Variants in ZNF385B observed in about 807,000 individuals in gnomAD.
ZNF385B encodes zinc finger protein 533.
Under a neutral mutation model 39.2 loss-of-function variants are expected in ZNF385B, and 23 were observed. The observed-to-expected ratio is 0.59, with a 90% CI of 0.42 to 0.83. The LOEUF is 0.83. ZNF385B is among the 40% of genes least tolerant of loss of function. The probability of loss-of-function intolerance (pLI) is 0.00; values close to 1 mark genes in which losing one functional copy is unlikely to be tolerated. For missense variants in ZNF385B, 552 were observed against 598.9 expected, an observed-to-expected ratio of 0.92 and a Z score of 0.82; for synonymous variants, 205 against 222.6, an observed-to-expected ratio of 0.92 and a Z score of 0.70.
chr2:179,668,610 G>A (rs1237113259), intron 3 of ZNF385B, among the ~76,000 whole-genome samples: 1 of 134,046 alleles, frequency 7.5e-6, no homozygotes, highest in Non-Finnish European at 1.6e-5. Context: ...AGTTCCTGGA[G>A]CCAACACCTT....
intron 4 of ZNF385B, among the ~76,000 whole-genome samples, chr2:179,537,602 G>A (rs566947473): frequency 6.6e-6 from 1 of 152,064 alleles, no homozygotes; most frequent in East Asian, 1.9e-4. Flanking sequence ...TTAGCCAGGT[G>A]TGGTGGCGTG....
intron 5 of ZNF385B, among the ~76,000 whole-genome samples, chr2:179,498,298 C>CA (rs35151841): frequency 0.15 from 22,275 of 150,592 alleles, 2,238 homozygotes; most frequent in Non-Finnish European, 0.22. Flanking sequence ...GAACAGACCA[C>CA]AAAAAAACTA....
At chr2:179,751,384 C>T (rs1702665796) in intron 3 of ZNF385B, among the ~76,000 whole-genome samples, 1 of 152,048 alleles carries the variant, frequency 6.6e-6, no homozygotes, top group Non-Finnish European at 1.5e-5. Flanking sequence ...CTCATGGCAC[C>T]ATCTTGTGGT....
intron 1 of ZNF385B, among the ~76,000 whole-genome samples, chr2:179,797,845 T>C (rs892116559): frequency 1.3e-5 from 2 of 152,166 alleles, no homozygotes; most frequent in Admixed American, 1.3e-4. Context: ...GACCAGCTGC[T>C]TAGTGGTCAT....
chr2:179,593,699 A>C (rs1029839533), intron 3 of ZNF385B, among the ~76,000 whole-genome samples: 3 of 152,172 alleles, frequency 2.0e-5, no homozygotes, highest in African/African-American at 7.2e-5. Context: ...TACTGTCAAC[A>C]TTTTTAGAGA....
chr2:179,590,203 G>A (rs1038069562), intron 3 of ZNF385B, among the ~76,000 whole-genome samples: 89 of 152,274 alleles, frequency 5.8e-4, no homozygotes, highest in African/African-American at 2.0e-3. Context: ...ACATACCCTG[G>A]AGTCAGACCA....
chr2:179,776,070 A>C (rs1041900828), intron 1 of ZNF385B, among the ~76,000 whole-genome samples: 1 of 152,230 alleles, frequency 6.6e-6, no homozygotes, highest in Non-Finnish European at 1.5e-5. Context: ...GTTGAAGCTC[A>C]AACTGGACTA....
At chr2:179,466,915 C>CAAAAAAAAAAAAAA (rs777679885) in intron 6 of ZNF385B, among the ~76,000 whole-genome samples, 1 of 26,932 alleles carries the variant, frequency 3.7e-5, no homozygotes, top group Non-Finnish European at 6.2e-5. Flanking sequence ...GCAAGACTGT[C>CAAAAAAAAAAAAAA]AAAAAAAAAA....
At chr2:179,578,529 A>ATTTTG (rs1368210836) in intron 3 of ZNF385B, among the ~76,000 whole-genome samples, 2 of 152,062 alleles carry the variant, frequency 1.3e-5, no homozygotes, top group Admixed American at 1.3e-4. Context: ...AATGAAAATA[A>ATTTTG]TTTTGTTATA....
At chr2:179,515,670 T>A (rs1207487531) in intron 5 of ZNF385B, among the ~76,000 whole-genome samples, 3 of 152,200 alleles carry the variant, frequency 2.0e-5, no homozygotes, top group African/African-American at 4.8e-5. Context: ...AGTAAAATTG[T>A]AGTTTAATAT....
chr2:179,607,838 T>C (rs1041449262), intron 3 of ZNF385B, among the ~76,000 whole-genome samples: 1 of 151,764 alleles, frequency 6.6e-6, no homozygotes, highest in African/African-American at 2.4e-5. Flanking sequence ...GATTTACTTA[T>C]ACAAACTTAT....
intron 3 of ZNF385B, among the ~76,000 whole-genome samples, chr2:179,704,589 A>C (rs990208126): frequency 6.6e-6 from 1 of 152,218 alleles, no homozygotes; most frequent in South Asian, 2.1e-4. Flanking sequence ...TGAAATATAA[A>C]GAAATGAAGA....
intron 3 of ZNF385B, among the ~76,000 whole-genome samples, chr2:179,667,733 A>G (rs554893876): frequency 6.6e-6 from 1 of 150,804 alleles, no homozygotes; most frequent in South Asian, 2.1e-4. Context: ...GGAAGAAGGA[A>G]AGGTCCCTAG....
At chr2:179,553,131 AT>A (rs1403942974) in intron 3 of ZNF385B, among the ~76,000 whole-genome samples, 3 of 149,114 alleles carry the variant, frequency 2.0e-5, no homozygotes, top group African/African-American at 7.6e-5. Context: ...ATATAGATAC[AT>A]TCTCCAGCTG....
At chr2:179,857,416 T>C (rs1375435210) in intron 1 of ZNF385B, among the ~76,000 whole-genome samples, 1 of 152,220 alleles carries the variant, frequency 6.6e-6, no homozygotes, top group Non-Finnish European at 1.5e-5. Context: ...TAACAGAGTT[T>C]GCTGGAGCAA....
chr2:179,666,342 C>T (rs1478832034), intron 3 of ZNF385B, among the ~76,000 whole-genome samples: 1 of 152,118 alleles, frequency 6.6e-6, no homozygotes, highest in African/African-American at 2.4e-5. Context: ...AGCTTCCCCT[C>T]CTGTGATTTA....
At position 179,769,547 on chromosome 2, in the gene ZNF385B, G is replaced by A. The variant is rs777541596; in HGVS notation, c.254C>T (p.Pro85Leu). The change falls in exon 3 of 10, where the codon CCC becomes CTC. Residue 85 changes from proline to leucine, a missense_variant. Transcript: ENST00000410066. ...KRVKQLSDGQ[P>L]PPPAQASPSS... is the part of the protein sequence containing the mutation. ...GGGGCTGGCCTGGGCGGGTGGTGGG[G>A]GCTGCCCATCACTCAGCTGCTTCAC... is the stretch of plus-strand genomic sequence containing the variant. 2.0e-5 allele frequency: 32 copies of A among 1,614,054 alleles called. No individual in the cohort carries two copies. Among genetic ancestry groups the A allele is most frequent in the Non-Finnish European group, 2.5e-5 (29 of 1,180,004 alleles).
intron 3 of ZNF385B, among the ~76,000 whole-genome samples, chr2:179,665,593 A>G (rs1182817492): frequency 6.6e-6 from 1 of 152,244 alleles, no homozygotes. Context: ...CCATGACAAC[A>G]TCACGCTGTA....
At chr2:179,621,284 G>A (rs957088231) in intron 3 of ZNF385B, among the ~76,000 whole-genome samples, 2 of 152,072 alleles carry the variant, frequency 1.3e-5, no homozygotes, top group Non-Finnish European at 2.9e-5. Flanking sequence ...AATATCTTTA[G>A]TACACAAAGG....
Sources: gnomAD v4.1 joint callset for allele counts (sites outside exome capture counted in the v4.1 genomes callset) on GRCh38, gnomAD v4.1.1 for gene constraint, MANE v1.5 for transcripts, NCBI Gene and HGNC (gene_info 2026-07-23, HGNC 2026-07-21) for gene names.